SPEF2: variants seen among roughly 807,000 people sequenced by gnomAD.
The protein encoded by SPEF2 is sperm flagella and cilia-associated protein 2.
A neutral mutation model predicts 224.6 loss-of-function variants in SPEF2; 187 were observed. The ratio of observed to expected loss-of-function variants is 0.83; its 90% CI spans 0.74 to 0.94. The LOEUF (loss-of-function observed/expected upper bound fraction) is 0.94. Ranked by LOEUF, SPEF2 falls within the 40% of genes least tolerant of loss-of-function variation. The pLI, the probability that SPEF2 is intolerant of heterozygous loss-of-function variation, is 0.00. For synonymous variants in SPEF2, 715 were observed against 707.3 expected (o/e 1.01, Z -0.17); for missense variants, 2,170 against 2,135.6 (o/e 1.02, Z -0.32).
At chr5:35,738,843 G>A (rs908022610) in intron 21 of SPEF2, among the ~76,000 whole-genome samples, 62 of 151,952 alleles carry the variant, frequency 4.1e-4, no homozygotes, top group African/African-American at 1.3e-3. Context: ...ACATTATCTC[G>A]TCTCTTCTTA....
At chr5:35,681,847 A>C (rs1193185156) in intron 10 of SPEF2, among the ~76,000 whole-genome samples, 1 of 152,188 alleles carries the variant, frequency 6.6e-6, no homozygotes, top group East Asian at 1.9e-4. Context: ...TTGTGCTCCA[A>C]GAGAAGCCAG....
intron 10 of SPEF2, among the ~76,000 whole-genome samples, chr5:35,686,062 A>G (rs1404054386): frequency 6.6e-6 from 1 of 152,002 alleles, no homozygotes; most frequent in African/African-American, 2.4e-5. Context: ...TCTATCCCTG[A>G]TCTTTGGACT....
intron 12 of SPEF2, among the ~76,000 whole-genome samples, chr5:35,693,956 T>C (rs1047622240): frequency 5.3e-5 from 8 of 152,224 alleles, no homozygotes; most frequent in African/African-American, 1.9e-4. Context: ...TTGTTCAAGA[T>C]GGTTTTCCAT....
chr5:35,779,316 C>T lies in SPEF2; in HGVS notation c.4417C>T (p.Arg1473Ter), dbSNP rs759691682. ...GACCATTGAACAGCTTGACAGTCTT[C>T]GAGATCAGTTCTTAGATATGGCACC... ...TLTIEQLDSL[R>*]DQFLDMAPKG... The change falls in exon 30 of 37, where the codon CGA becomes TGA. Residue 1473 changes from arginine (R) to a stop codon, truncating the protein, a stop_gained. Coordinates refer to ENST00000356031, the MANE Select transcript of SPEF2 (RefSeq NM_024867.4). LOFTEE classifies it high-confidence loss of function. 19 of 1,611,748 alleles carry T rather than the reference C, an allele frequency of 1.2e-5. No individual in the cohort carries two copies. Among genetic ancestry groups the T allele is most frequent in the African/African-American group, 5.4e-5 (4 of 74,714 alleles).
chr5:35,646,762 A>T lies in SPEF2; in HGVS notation c.681A>T (p.Lys227Asn), dbSNP rs997468572. ...IPKPASNRTL[K>N]ALEAQKMMKK... ...AACCTGCATCAAATCGTACTTTGAAAGCACTCGAGGCCCAAAAAATGATGA... is the reference window on the plus strand; with the variant it reads ...AACCTGCATCAAATCGTACTTTGAATGCACTCGAGGCCCAAAAAATGATGA... The change falls in exon 5 of 37, where the codon AAA becomes AAT. Residue 227 changes from lysine to asparagine, a missense_variant. Coordinates refer to ENST00000356031, the MANE Select transcript of SPEF2 (RefSeq NM_024867.4). 3.1e-6 allele frequency: 5 copies of T among 1,613,876 alleles called. No homozygotes were observed. The highest frequency in any genetic ancestry group is 3.4e-6 in the Non-Finnish European group (4 of 1,179,934).
intron 25 of SPEF2, among the ~76,000 whole-genome samples, chr5:35,762,546 T>TC (rs1477418345): frequency 2.3e-4 from 35 of 152,330 alleles, no homozygotes; most frequent in African/African-American, 7.5e-4. Context: ...TGATTCATTT[T>TC]TCTGAATCAC....
At chr5:35,812,271 G>A (rs1758594071) in intron 36 of SPEF2, among the ~76,000 whole-genome samples, 1 of 152,062 alleles carries the variant, frequency 6.6e-6, no homozygotes, top group African/African-American at 2.4e-5. Context: ...AAAAAAAGAA[G>A]GACTTTACTG....
At chr5:35,654,801 G>A in intron 7 of SPEF2, 75 bp downstream of exon 7, 1 of 1,318,090 alleles carries the variant, frequency 7.6e-7, no homozygotes, top group Non-Finnish European at 1.0e-6. Flanking sequence ...CACATAATAT[G>A]TAGTTTATAT....
chr5:35,798,554 T>G (rs897551125), intron 33 of SPEF2, among the ~76,000 whole-genome samples: 1 of 152,152 alleles, frequency 6.6e-6, no homozygotes, highest in Non-Finnish European at 1.5e-5. Flanking sequence ...TCCCTTTCCT[T>G]GGCCTGCTCT....
At position 35,788,204 on chromosome 5, in the gene SPEF2, A is replaced by G. The variant is rs573841900; in HGVS notation, c.4448-4136A>G. Reference sequence around the variant, plus strand: ...AGTGAACAGAGCCACCACCAAACTAATGATGAGGACCATGAGCAAAGTAAC... The same window carrying G: ...AGTGAACAGAGCCACCACCAAACTAGTGATGAGGACCATGAGCAAAGTAAC... On this transcript the variant is annotated intron_variant, in intron 30 of 36. Transcript: ENST00000356031. The G allele has an allele frequency of 1.5e-4, 107 of 703,006 alleles. No homozygotes were observed. The Admixed American group carries it at 2.1e-3, about 14-fold the overall frequency. 43.5% of individuals were successfully genotyped at this position (703,006 alleles called of 1,614,324 possible).
intron 6 of SPEF2, among the ~76,000 whole-genome samples, chr5:35,652,413 C>T (rs1028367157): frequency 5.3e-5 from 8 of 152,002 alleles, no homozygotes; most frequent in South Asian, 2.1e-4. Context: ...AAAAGTGTTA[C>T]GCTACACAAT....
chr5:35,619,437 C>T (rs1187485473), intron 1 of SPEF2, among the ~76,000 whole-genome samples: 1 of 152,176 alleles, frequency 6.6e-6, no homozygotes, highest in Non-Finnish European at 1.5e-5. Flanking sequence ...AATGCCAGCC[C>T]TTTGGGAGGC....
chr5:35,788,221 C>T lies in SPEF2; in HGVS notation c.4448-4119C>T, dbSNP rs370112845. ...CCAAACTAATGATGAGGACCATGAGCAAAGTAACCCTCGGGAGAGTAGAGA... is the reference window on the plus strand; with the variant it reads ...CCAAACTAATGATGAGGACCATGAGTAAAGTAACCCTCGGGAGAGTAGAGA... On this transcript the variant is annotated intron_variant, in intron 30 of 36. Transcript: ENST00000356031. The T allele has an allele frequency of 1.7e-4, 121 of 702,920 alleles. 3 individuals carry two copies. The South Asian group carries it at 1.8e-3, about 10-fold the overall frequency. 43.5% of individuals were successfully genotyped at this position (702,920 alleles called of 1,614,324 possible).
In SPEF2 at chr5:35,776,294, A is replaced by G; in HGVS notation, c.4116A>G (p.Thr1372=). Residue 1372 remains threonine, a synonymous_variant, in exon 29 of 37, where the codon ACA becomes ACG. Coordinates refer to ENST00000356031, the MANE Select transcript of SPEF2 (RefSeq NM_024867.4). ...AATTTCGACTTGAACTGATAAAGAC[A>G]AAAGCATTGGCTCTTCTTGAAGATT... ...ATQFRLELIK[T]KALALLEDLV... is the part of the protein sequence containing the mutation. 6.2e-7 allele frequency: 1 copy of G among 1,611,684 alleles called. No individual in the cohort carries two copies. The highest frequency in any genetic ancestry group is 1.1e-5 in the South Asian group (1 of 90,762).
intron 9 of SPEF2, 93 bp from the exon 10 acceptor site, chr5:35,669,966 G>C (rs890352484): frequency 5.1e-6 from 5 of 980,388 alleles, no homozygotes; most frequent in Non-Finnish European, 7.6e-6. Context: ...TGATGAAAGT[G>C]AGCTAATTAC....
chr5:35,718,434 C>T (rs1743010756), intron 20 of SPEF2, among the ~76,000 whole-genome samples: 1 of 152,094 alleles, frequency 6.6e-6, no homozygotes, highest in Admixed American at 6.5e-5. Context: ...TGAATGACCA[C>T]CCATCTAGAA....
In SPEF2 at chr5:35,742,334, T is replaced by A. The variant is rs549704925; in HGVS notation, c.3330+2067T>A. ...TCCTTAATTATTTCTATGGGCAAAC[T>A]TTTTTAAGTGAAACTTGTTTAAGAT... On this transcript the variant is annotated intron_variant, in intron 23 of 36. Coordinates refer to ENST00000356031, the MANE Select transcript of SPEF2 (RefSeq NM_024867.4). Among the ~76,000 whole-genome samples the A allele has an allele frequency of 2.0e-5, 3 of 152,250 alleles. No homozygotes were observed. In the South Asian group the frequency reaches 6.2e-4, roughly 32 times the overall value.
rs1054784546 is a variant in SPEF2, at chr5:35,806,887, G to A, written c.5191G>A (p.Gly1731Arg). 3.7e-6 allele frequency: 6 copies of A among 1,614,020 alleles called. No individual in the cohort carries two copies. Among genetic ancestry groups the A allele is most frequent in the South Asian group, 2.2e-5 (2 of 91,020 alleles). The change falls in exon 35 of 37, where the codon GGA (glycine) becomes AGA (arginine). Residue 1731 changes from glycine to arginine, a missense_variant. Coordinates refer to ENST00000356031, the MANE Select transcript of SPEF2 (RefSeq NM_024867.4). ...METLLKVFKG[G>R]SEAQDSNRFA... ...AACACTACTCAAAGTGTTCAAAGGG[G>A]GAAGTGAAGCACAGGACTCCAATAG... is the stretch of plus-strand genomic sequence containing the variant.
At chr5:35,759,026 A>AAAAAT (rs386403560) in intron 24 of SPEF2, among the ~76,000 whole-genome samples, 1 of 150,080 alleles carries the variant, frequency 6.7e-6, no homozygotes, top group African/African-American at 2.4e-5. Context: ...AAAAAAAAAA[A>AAAAAT]AGTAAAGGAA....
Sources: gnomAD v4.1 joint callset for allele counts (sites outside exome capture counted in the v4.1 genomes callset) on GRCh38, gnomAD v4.1.1 for gene constraint, MANE v1.5 for transcripts, NCBI Gene and HGNC (gene_info 2026-07-23, HGNC 2026-07-21) for gene names.